The following PALLD variants were observed in gnomAD, a reference collection of about 807,000 sequenced individuals.
The protein encoded by PALLD is palladin, cytoskeletal associated protein, also known as palladin.
A neutral mutation model predicts 123.5 loss-of-function variants in PALLD; 61 were observed. That is an observed-to-expected ratio of 0.49 (90% CI 0.40 to 0.61). PALLD has a LOEUF of 0.61. PALLD is among the 20% of genes least tolerant of loss of function. The pLI is 0.00. For synonymous variants in PALLD, 465 were observed against 496.4 expected, an observed-to-expected ratio of 0.94 and a Z score of 0.84; for missense variants, 1,273 against 1,377.0, an observed-to-expected ratio of 0.92 and a Z score of 1.20.
intron 2 of PALLD, among the ~76,000 whole-genome samples, chr4:168,592,302 G>A (rs2149693039): frequency 6.6e-6 from 1 of 152,202 alleles, no homozygotes; most frequent in Non-Finnish European, 1.5e-5. Flanking sequence ...GGGATTCCAG[G>A]TGTGAGCCAC....
chr4:168,504,411 T>A (rs1032798304), intron 1 of PALLD, among the ~76,000 whole-genome samples: 9 of 152,128 alleles, frequency 5.9e-5, no homozygotes, highest in Non-Finnish European at 1.2e-4. Context: ...CTGGCCAATA[T>A]GGTGAAACCC....
intron 10 of PALLD, among the ~76,000 whole-genome samples, chr4:168,807,344 G>T (rs1472997276): frequency 2.6e-5 from 4 of 151,928 alleles, no homozygotes; most frequent in African/African-American, 9.7e-5. Flanking sequence ...AGCACTTCCT[G>T]ATTCCTGACT....
chr4:168,686,816 C>T (rs1782107052), intron 6 of PALLD: 2 of 152,082 alleles, frequency 1.3e-5, no homozygotes, highest in African/African-American at 2.4e-5. Flanking sequence ...CCAGGATACA[C>T]CTGAGGAAGG....
intron 7 of PALLD, among the ~76,000 whole-genome samples, chr4:168,690,964 A>AT (rs1782564708): frequency 2.6e-5 from 4 of 152,196 alleles, no homozygotes; most frequent in Admixed American, 2.6e-4. Context: ...AAATGCATAT[A>AT]TACATTTGTA....
intron 15 of PALLD, among the ~76,000 whole-genome samples, chr4:168,912,874 C>T (rs551937722): frequency 2.0e-5 from 3 of 152,164 alleles, no homozygotes; most frequent in African/African-American, 4.8e-5. Flanking sequence ...TCCCCGACCC[C>T]ACCACCCCGT....
chr4:168,633,607 G>GA (rs1776048223), intron 2 of PALLD, among the ~76,000 whole-genome samples: 1 of 151,656 alleles, frequency 6.6e-6, no homozygotes, highest in South Asian at 2.1e-4. Flanking sequence ...TTTTGCTATT[G>GA]AAAATCTCCC....
chr4:168,545,405 T>G (rs1766046465), intron 2 of PALLD, among the ~76,000 whole-genome samples: 1 of 152,022 alleles, frequency 6.6e-6, no homozygotes, highest in Non-Finnish European at 1.5e-5. Flanking sequence ...GGCAGGTGCC[T>G]GTAATCCCAG....
At chr4:168,713,440 A>G (rs1384380714) in intron 10 of PALLD, among the ~76,000 whole-genome samples, 1 of 152,244 alleles carries the variant, frequency 6.6e-6, no homozygotes, top group East Asian at 1.9e-4. Context: ...GTGTTGAATG[A>G]CTAGGACTTG....
chr4:168,791,716 G>A (rs1737553270), intron 10 of PALLD, among the ~76,000 whole-genome samples: 1 of 152,180 alleles, frequency 6.6e-6, no homozygotes, highest in Non-Finnish European at 1.5e-5. Flanking sequence ...TAAGCTTGGT[G>A]TTGATTATCT....
At chr4:168,508,258 T>C (rs1189757625) in intron 1 of PALLD, among the ~76,000 whole-genome samples, 1 of 152,208 alleles carries the variant, frequency 6.6e-6, no homozygotes, top group Admixed American at 6.5e-5. Context: ...CATAATTATG[T>C]ATAATTATTA....
intron 10 of PALLD, among the ~76,000 whole-genome samples, chr4:168,795,906 G>A (rs911083409): frequency 7.9e-5 from 12 of 151,744 alleles, no homozygotes; most frequent in Admixed American, 2.0e-4. Flanking sequence ...TATGTTTAAT[G>A]TTTGTGGGTA....
intron 21 of PALLD, among the ~76,000 whole-genome samples, chr4:168,925,604 A>G (rs1442661732): frequency 2.0e-5 from 3 of 152,200 alleles, no homozygotes; most frequent in Non-Finnish European, 4.4e-5. Flanking sequence ...ATTTGTGTAC[A>G]TGCATCCCAA....
intron 15 of PALLD, among the ~76,000 whole-genome samples, chr4:168,908,376 G>A (rs1018297226): frequency 6.6e-6 from 1 of 151,968 alleles, no homozygotes; most frequent in East Asian, 1.9e-4. Context: ...TGCCATTCTG[G>A]AAATGTTTAA....
intron 10 of PALLD, among the ~76,000 whole-genome samples, chr4:168,868,894 C>T (rs946936375): frequency 2.9e-4 from 44 of 152,150 alleles, no homozygotes; most frequent in African/African-American, 1.0e-3. Flanking sequence ...GAAGTTCTCA[C>T]CAAGTACTGA....
rs529201108 is a variant in PALLD at position 168,747,505 on chromosome 4, A to G, written c.1964+35582A>G. 1.1e-4 allele frequency among the ~76,000 whole-genome samples: 16 copies of G among 152,372 alleles called. No individual in the cohort carries two copies. The East Asian group carries it at 2.9e-3, about 28-fold the overall frequency. ...TTTCCAGAGTTAAAACTTCAGACAC[A>G]TGCTATGACAATGAGACAGTATGTT... is the stretch of plus-strand genomic sequence containing the variant. On this transcript the variant is annotated intron_variant, in intron 10 of 21. Coordinates refer to ENST00000505667, the MANE Select transcript of PALLD (RefSeq NM_001166108.2).
intron 10 of PALLD, among the ~76,000 whole-genome samples, chr4:168,787,377 G>A (rs907751854): frequency 6.6e-6 from 1 of 152,196 alleles, no homozygotes; most frequent in Non-Finnish European, 1.5e-5. Context: ...TATAATAAGT[G>A]CGGTTTATCT....
At position 168,921,682 on chromosome 4, in the gene PALLD, C is replaced by T. The variant is rs201412478; in HGVS notation, c.2999C>T (p.Thr1000Ile). Residue 1000 changes from threonine to isoleucine, a missense_variant, in exon 18 of 22, where the codon ACA becomes ATA. Coordinates refer to ENST00000505667, the MANE Select transcript of PALLD (RefSeq NM_001166108.2). Reference sequence around the variant, plus strand: ...ACGTCACGTGATGCCGGCATCTACACATGTATAGCTACCAACCGAGCAGGA... The same window carrying T: ...ACGTCACGTGATGCCGGCATCTACATATGTATAGCTACCAACCGAGCAGGA... Reference protein sequence around the residue: ...PVTSRDAGIYTCIATNRAGQN... With the variant: ...PVTSRDAGIYICIATNRAGQN... 21 of 1,611,620 alleles carry T rather than the reference C, an allele frequency of 1.3e-5. No homozygotes were observed. Among genetic ancestry groups the T allele is most frequent in the Admixed American group, 6.7e-5 (4 of 59,814 alleles).
intron 10 of PALLD, among the ~76,000 whole-genome samples, chr4:168,883,117 C>A (rs1228989039): frequency 1.3e-5 from 2 of 150,900 alleles, no homozygotes; most frequent in Non-Finnish European, 3.0e-5. Context: ...AACCCACGTG[C>A]CTTTGTCATT....
At chr4:168,670,807 T>C (rs28640906) in intron 3 of PALLD, among the ~76,000 whole-genome samples, 68,348 of 127,648 alleles carry the variant, frequency 0.54, 19,953 homozygotes, top group African/African-American at 0.74. Context: ...ACAAAAAAGC[T>C]GGGTGCAATG....
Sources: gnomAD v4.1 joint callset for allele counts (sites outside exome capture counted in the v4.1 genomes callset) on GRCh38, gnomAD v4.1.1 for gene constraint, MANE v1.5 for transcripts, NCBI Gene and HGNC (gene_info 2026-07-23, HGNC 2026-07-21) for gene names.